The following RYR2 variants were observed in gnomAD, a reference collection of about 807,000 sequenced individuals.
The protein encoded by RYR2 is cardiac muscle ryanodine receptor-calcium release channel.
Under a neutral mutation model 601.1 loss-of-function variants are expected in RYR2, and 227 were observed. That is an observed-to-expected ratio of 0.38 (90% confidence interval 0.34 to 0.42). The LOEUF is 0.42. RYR2 is among the 10% of genes least tolerant of loss of function. The pLI, the probability that RYR2 is intolerant of heterozygous loss-of-function variation, is 1.00. For synonymous variants in RYR2, 2,223 were observed against 2,175.1 expected (o/e 1.02, Z -0.61); for missense variants, 4,646 against 6,156.5 (o/e 0.75, Z 8.21).
intron 1 of RYR2, among the ~76,000 whole-genome samples, chr1:237,171,367 G>A (rs1419057701): frequency 6.6e-6 from 1 of 152,056 alleles, no homozygotes; most frequent in East Asian, 1.9e-4. Context: ...GTTTTTGGAG[G>A]TAGAGGACTT....
At chr1:237,414,385 G>T (rs1314378333) in intron 10 of RYR2, among the ~76,000 whole-genome samples, 2 of 152,158 alleles carry the variant, frequency 1.3e-5, no homozygotes, top group Non-Finnish European at 2.9e-5. Flanking sequence ...AACATCACCT[G>T]GGAATTTGTT....
intron 1 of RYR2, among the ~76,000 whole-genome samples, chr1:237,170,775 G>A (rs562375355): frequency 4.2e-4 from 64 of 152,240 alleles, no homozygotes; most frequent in African/African-American, 1.5e-3. Context: ...GACATGGCTG[G>A]TGCAAAACAC....
At chr1:237,077,896 T>A (rs1665194506) in intron 1 of RYR2, among the ~76,000 whole-genome samples, 1 of 114,602 alleles carries the variant, frequency 8.7e-6, no homozygotes, top group South Asian at 3.4e-4. Flanking sequence ...CCTCAGCAAA[T>A]GTAAAAGAAC....
In RYR2 at chr1:237,369,598, A is replaced by T; in HGVS notation, c.374A>T (p.Tyr125Phe). ...YGHAILLRHS[Y>F]SGMYLCCLST... is the part of the protein sequence containing the mutation. The stretch of plus-strand genomic sequence containing the variant: ...CATGCCATATTGCTGCGCCATTCCT[A>T]TAGTGGCATGGTGAGTAGGCATTTG... Residue 125 changes from tyrosine (Y) to phenylalanine (F), a missense_variant, in exon 6 of 105, where the codon TAT (tyrosine) becomes TTT (phenylalanine). By Grantham distance (22) the Tyr-to-Phe change is conservative. Coordinates refer to ENST00000366574, the MANE Select transcript of RYR2 (RefSeq NM_001035.3). 2 of 1,560,354 alleles carry T rather than the reference A, an allele frequency of 1.3e-6. No homozygotes were observed. The highest frequency in any genetic ancestry group is 2.4e-5 in the East Asian group (1 of 42,148).
intron 84 of RYR2, among the ~76,000 whole-genome samples, chr1:237,763,743 A>G (rs906105515): frequency 4.6e-5 from 7 of 152,220 alleles, no homozygotes; most frequent in African/African-American, 1.7e-4. Flanking sequence ...TTAGGAGCAT[A>G]TGTAAGGGCC....
chr1:237,236,015 T>C (rs888183639), intron 1 of RYR2, among the ~76,000 whole-genome samples: 2 of 152,238 alleles, frequency 1.3e-5, no homozygotes, highest in African/African-American at 4.8e-5. Context: ...TGAAGGAATA[T>C]GGTGCCTCTA....
chr1:237,081,628 C>T (rs907778334), intron 1 of RYR2, among the ~76,000 whole-genome samples: 1 of 151,800 alleles, frequency 6.6e-6, no homozygotes, highest in Non-Finnish European at 1.5e-5. Context: ...TACGCACACA[C>T]TCTCTCTCTC....
At chr1:237,178,428 G>A (rs931120869) in intron 1 of RYR2, among the ~76,000 whole-genome samples, 122 of 133,286 alleles carry the variant, frequency 9.2e-4, no homozygotes, top group African/African-American at 4.0e-3. Flanking sequence ...GTGTGTGTGT[G>A]TGTGTGTGTG....
chr1:237,523,403 A>G (rs917774981), intron 24 of RYR2, among the ~76,000 whole-genome samples: 2 of 152,182 alleles, frequency 1.3e-5, no homozygotes, highest in Middle Eastern at 3.2e-3. Flanking sequence ...TAGAAATCTT[A>G]TAACTCAATA....
At chr1:237,258,806 G>A (rs1409400213) in intron 1 of RYR2, among the ~76,000 whole-genome samples, 4 of 152,164 alleles carry the variant, frequency 2.6e-5, no homozygotes, top group Non-Finnish European at 5.9e-5. Flanking sequence ...GTTTATTGGT[G>A]CAGTATACCT....
At chr1:237,439,844 T>G (rs1489970406) in intron 12 of RYR2, among the ~76,000 whole-genome samples, 2 of 148,186 alleles carry the variant, frequency 1.3e-5, no homozygotes, top group Admixed American at 1.4e-4. Context: ...AAAAAAAAAA[T>G]GTTAGAGGCT....
At chr1:237,508,470 AAAC>A (rs1665496163) in intron 23 of RYR2, among the ~76,000 whole-genome samples, 1 of 151,126 alleles carries the variant, frequency 6.6e-6, no homozygotes, top group Admixed American at 6.6e-5. Context: ...AAAAAAAAAA[AAAC>A]AAACAAAATG....
At chr1:237,354,014 G>A (rs910946773) in intron 3 of RYR2, among the ~76,000 whole-genome samples, 1 of 152,112 alleles carries the variant, frequency 6.6e-6, no homozygotes, top group Admixed American at 6.6e-5. Context: ...AACAAGAGAC[G>A]TGTCATGAAA....
At chr1:237,145,044 A>G (rs919002969) in intron 1 of RYR2, among the ~76,000 whole-genome samples, 1 of 151,882 alleles carries the variant, frequency 6.6e-6, no homozygotes, top group Non-Finnish European at 1.5e-5. Context: ...CAGGGAGGGG[A>G]ACATCATACA....
At chr1:237,454,873 G>A (rs1658619782) in intron 15 of RYR2, among the ~76,000 whole-genome samples, 1 of 152,110 alleles carries the variant, frequency 6.6e-6, no homozygotes, top group Admixed American at 6.6e-5. Context: ...CTCTTCATGT[G>A]GGTTATATCA....
chr1:237,743,470 T>C, intron 80 of RYR2: 1 of 299,496 alleles, frequency 3.3e-6, no homozygotes, highest in Non-Finnish European at 6.9e-6. Flanking sequence ...GAAAGTGAGG[T>C]CAGTTTAGAA....
At chr1:237,472,769 T>C (rs1309525583) in intron 17 of RYR2, among the ~76,000 whole-genome samples, 1 of 151,966 alleles carries the variant, frequency 6.6e-6, no homozygotes, top group Non-Finnish European at 1.5e-5. Context: ...TATGTATATA[T>C]GTCTTTGCAC....
At chr1:237,307,549 C>A (rs1572544918) in intron 2 of RYR2, among the ~76,000 whole-genome samples, 1 of 152,204 alleles carries the variant, frequency 6.6e-6, no homozygotes, top group East Asian at 1.9e-4. Flanking sequence ...TACATATATT[C>A]ATTGGCTTAT....
At chr1:237,769,863 A>G (rs1207370435) in intron 84 of RYR2, among the ~76,000 whole-genome samples, 1 of 150,530 alleles carries the variant, frequency 6.6e-6, no homozygotes, top group Non-Finnish European at 1.5e-5. Context: ...TTTTCCCCCC[A>G]CGGACACTTT....
Sources: gnomAD v4.1 joint callset for allele counts (sites outside exome capture counted in the v4.1 genomes callset) on GRCh38, gnomAD v4.1.1 for gene constraint, MANE v1.5 for transcripts, NCBI Gene and HGNC (gene_info 2026-07-23, HGNC 2026-07-21) for gene names.